Variants in WNT9B observed in about 807,000 individuals in gnomAD.
The protein encoded by WNT9B is protein Wnt-9b.
In WNT9B, 12 loss-of-function variants were observed where a neutral mutation model predicts 30.2. That is an observed-to-expected ratio of 0.40 (90% CI 0.26 to 0.64). The LOEUF is 0.64. WNT9B is among the 30% of genes least tolerant of loss of function. The probability of loss-of-function intolerance (pLI) is 0.42; values close to 1 mark genes in which losing one functional copy is unlikely to be tolerated. For synonymous variants in WNT9B, 218 were observed against 216.9 expected (o/e 1.01, Z -0.05); for missense variants, 442 against 485.2 (o/e 0.91, Z 0.84).
rs1389721454 is a variant in WNT9B at position 46,876,843 on chromosome 17, C to A, written c.*125C>A. ...GCATAAACCGGCATGTGTGCCAATG[C>A]ACACGAGTGTGCCACTCACCACCAT... On this transcript the variant is annotated 3_prime_UTR_variant, in exon 4 of 4. Transcript: ENST00000290015. 5 of 1,430,454 alleles carry A rather than the reference C, an allele frequency of 3.5e-6. No homozygotes were observed. The highest frequency in any genetic ancestry group is 4.6e-6 in the Non-Finnish European group (5 of 1,088,148). 88.6% of individuals were successfully genotyped at this position (1,430,454 alleles called of 1,614,324 possible).
At chr17:46,836,712 G>A (rs569777590) in intron 1 of WNT9B, among the ~76,000 whole-genome samples, 1 of 152,320 alleles carries the variant, frequency 6.6e-6, no homozygotes, top group South Asian at 2.1e-4. Context: ...TGGCAAGCCA[G>A]GCTGGAGGTG....
chr17:46,875,660 T>A (rs948413171), intron 3 of WNT9B, among the ~76,000 whole-genome samples: 10 of 152,132 alleles, frequency 6.6e-5, no homozygotes, highest in African/African-American at 2.4e-4. Flanking sequence ...CAGGGACATG[T>A]TTGGAGAGGG....
rs761051768 is a variant in WNT9B at position 46,876,232 on chromosome 17, G to A, written c.601-13G>A. 22 of 1,591,426 alleles carry A rather than the reference G, an allele frequency of 1.4e-5. 1 individual carries two copies. The highest frequency in any genetic ancestry group is 3.3e-4 in the Middle Eastern group (2 of 5,976). On this transcript the variant is annotated splice_polypyrimidine_tract_variant and intron_variant, in intron 3 of 3. Coordinates refer to ENST00000290015, the MANE Select transcript of WNT9B (RefSeq NM_003396.3). Reference sequence around the variant, plus strand: ...AGGCCTCTGACCACGCCTCTGTTCTGCCTCCCCCACAGGCTGTGAAGAGTG... The same window carrying A: ...AGGCCTCTGACCACGCCTCTGTTCTACCTCCCCCACAGGCTGTGAAGAGTG...
chr17:46,855,409 G>A (rs138117041), intron 1 of WNT9B, among the ~76,000 whole-genome samples: 40 of 152,300 alleles, frequency 2.6e-4, no homozygotes, highest in African/African-American at 8.2e-4. Context: ...GACAGGAGGC[G>A]GACCAGAGGT....
intron 1 of WNT9B, among the ~76,000 whole-genome samples, chr17:46,853,362 AC>A (rs2084886853): frequency 1.2e-5 from 1 of 84,452 alleles, no homozygotes; most frequent in South Asian, 5.1e-4. Flanking sequence ...AATGCTAGTG[AC>A]TTTTTTTTTT....
intron 1 of WNT9B, among the ~76,000 whole-genome samples, chr17:46,841,081 G>A (rs889060544): frequency 6.6e-6 from 1 of 152,224 alleles, no homozygotes; most frequent in Admixed American, 6.5e-5. Flanking sequence ...CAGGTTGGAA[G>A]GCTTATCCCT....
intron 1 of WNT9B, among the ~76,000 whole-genome samples, chr17:46,844,940 C>T (rs2084758059): frequency 6.6e-6 from 1 of 152,020 alleles, no homozygotes; most frequent in Non-Finnish European, 1.5e-5. Context: ...CTCCGCCTCC[C>T]AGCTGCAAGC....
At chr17:46,843,510 T>G (rs1190406661) in intron 1 of WNT9B, among the ~76,000 whole-genome samples, 1 of 152,226 alleles carries the variant, frequency 6.6e-6, no homozygotes, top group African/African-American at 2.4e-5. Context: ...AGCTACCTCT[T>G]CCCTGGAACA....
intron 1 of WNT9B, among the ~76,000 whole-genome samples, chr17:46,844,311 T>A (rs1483732350): frequency 1.0e-5 from 1 of 99,602 alleles, no homozygotes; most frequent in Non-Finnish European, 2.0e-5. Flanking sequence ...CCACCTTTTT[T>A]TTTTTTTTTT....
chr17:46,882,082 G>A (rs1598873704), downstream of WNT9B, among the ~76,000 whole-genome samples: 2 of 152,298 alleles, frequency 1.3e-5, no homozygotes, highest in South Asian at 2.1e-4. Flanking sequence ...CTTGAGCCCA[G>A]GAGTTCGAGG....
chr17:46,866,639 G>A (rs987780543), intron 1 of WNT9B, among the ~76,000 whole-genome samples: 1 of 152,022 alleles, frequency 6.6e-6, no homozygotes, highest in East Asian at 1.9e-4. Flanking sequence ...CCAGCACCCC[G>A]GGCAGCACAA....
intron 1 of WNT9B, among the ~76,000 whole-genome samples, chr17:46,867,980 G>T (rs947460263): frequency 1.3e-5 from 2 of 152,118 alleles, no homozygotes. Flanking sequence ...CAGACTGGGG[G>T]CAGCAAGGGG....
chr17:46,873,594 T>C (rs1304994363), intron 2 of WNT9B, among the ~76,000 whole-genome samples: 1 of 152,202 alleles, frequency 6.6e-6, no homozygotes, highest in East Asian at 1.9e-4. Context: ...CGCAGTGGCT[T>C]GTGCCTCTAA....
intron 3 of WNT9B, among the ~76,000 whole-genome samples, 192 bp from the exon 4 acceptor site, chr17:46,876,053 G>C (rs186814638): frequency 6.6e-6 from 1 of 152,182 alleles, no homozygotes; most frequent in African/African-American, 2.4e-5. Flanking sequence ...GTGTGAACTG[G>C]GACTGCTGTG....
chr17:46,853,363 CTTTTTTTTTTTTT>C (rs35252647), intron 1 of WNT9B, among the ~76,000 whole-genome samples: 7 of 78,896 alleles, frequency 8.9e-5, no homozygotes, highest in Non-Finnish European at 1.6e-4. Flanking sequence ...ATGCTAGTGA[CTTTTTTTTTTTTT>C]TTTTTTTTTT....
intron 1 of WNT9B, among the ~76,000 whole-genome samples, chr17:46,834,921 A>G (rs906703044): frequency 1.3e-5 from 2 of 152,114 alleles, no homozygotes; most frequent in African/African-American, 4.8e-5. Flanking sequence ...CTCACCTGTC[A>G]GTGTTCCTCC....
chr17:46,855,230 G>A (rs1369041250), intron 1 of WNT9B, among the ~76,000 whole-genome samples: 1 of 152,240 alleles, frequency 6.6e-6, no homozygotes, highest in Non-Finnish European at 1.5e-5. Flanking sequence ...CGAAGGGGGT[G>A]AGGGTGGAGG....
At chr17:46,875,859 T>C (rs1334842603) in intron 3 of WNT9B, among the ~76,000 whole-genome samples, 1 of 152,134 alleles carries the variant, frequency 6.6e-6, no homozygotes, top group Non-Finnish European at 1.5e-5. Flanking sequence ...CTTGGTCTAT[T>C]GAGGGGAGGA....
At chr17:46,839,918 TTCTTTCTTTCTTTC>T (rs2084680454) in intron 1 of WNT9B, among the ~76,000 whole-genome samples, 1 of 76,100 alleles carries the variant, frequency 1.3e-5, no homozygotes. Flanking sequence ...TCTCTTTTCT[TTCTTTCTTTCTTTC>T]TTTCTTTCTT....
Sources: gnomAD v4.1 joint callset for allele counts (sites outside exome capture counted in the v4.1 genomes callset) on GRCh38, gnomAD v4.1.1 for gene constraint, MANE v1.5 for transcripts, NCBI Gene and HGNC (gene_info 2026-07-23, HGNC 2026-07-21) for gene names.